The following WARS1 variants were observed in gnomAD, a reference collection of about 807,000 sequenced individuals.
The protein encoded by WARS1 is tryptophanyl-tRNA synthetase 1.
WARS1 carries 17 observed loss-of-function variants against 47.8 expected under a neutral mutation model. The observed-to-expected ratio is 0.36, with a 90% CI of 0.24 to 0.53. The LOEUF is 0.53. Ranked by LOEUF, WARS1 falls within the 20% of genes least tolerant of loss-of-function variation. The pLI is 0.91. For synonymous variants in WARS1, 208 were observed against 228.1 expected (o/e 0.91, Z 0.79); for missense variants, 434 against 608.0 (o/e 0.71, Z 3.01).
chr14:100,346,025 G>A (rs1000929448), intron 7 of WARS1, among the ~76,000 whole-genome samples: 3 of 152,252 alleles, frequency 2.0e-5, no homozygotes, highest in Non-Finnish European at 4.4e-5. Flanking sequence ...GCTGGCAGCT[G>A]ACTGAAGGCC....
intron 8 of WARS1, among the ~76,000 whole-genome samples, chr14:100,343,017 C>T (rs1197318128): frequency 1.3e-5 from 2 of 152,288 alleles, no homozygotes; most frequent in East Asian, 3.9e-4. Flanking sequence ...GCTGGGATTA[C>T]AGGCGCCTGC....
At chr14:100,361,597 G>T in intron 3 of WARS1, 111 bp downstream of exon 3, 1 of 1,122,092 alleles carries the variant, frequency 8.9e-7, no homozygotes, top group Non-Finnish European at 1.3e-6. Context: ...TGGCATTGAA[G>T]CTTCACTGAA....
Position 100,373,824 on chromosome 14 carries a change from TTGTGTGTG to T in WARS1, c.-74+1451_-74+1458del, listed in dbSNP as rs59475595. ...GGGAATCATCCACACTATTGAAATC[TTGTGTGTG>T]TGTGTGTGTGTGTGTGTGTGTGTGT... On this transcript the variant is annotated intron_variant, in intron 1 of 10. Coordinates refer to ENST00000392882, the MANE Select transcript of WARS1 (RefSeq NM_004184.4). The surrounding 1 kb of genome is among the most constrained non-coding windows in gnomAD (Gnocchi z 4.4). 0.2 allele frequency among the ~76,000 whole-genome samples: 29,810 copies of T among 147,814 alleles called. 3,012 individuals carry two copies. Among genetic ancestry groups the T allele is most frequent in the Non-Finnish European group, 0.23 (15,606 of 66,712 alleles).
chr14:100,339,590 C>CA (rs386382322), intron 9 of WARS1, among the ~76,000 whole-genome samples: 8,157 of 78,476 alleles, frequency 0.1, 916 homozygotes, highest in Non-Finnish European at 0.13. Context: ...GACTCCGTCT[C>CA]AAAAAAAAAA....
At chr14:100,346,958 G>A in intron 6 of WARS1, 112 bp from the exon 7 acceptor site, 1 of 919,420 alleles carries the variant, frequency 1.1e-6, no homozygotes, top group South Asian at 1.4e-5. Flanking sequence ...CAGACTCGGG[G>A]CCACATTGTG....
At chr14:100,335,696 AT>A (rs1209313308) in intron 10 of WARS1, among the ~76,000 whole-genome samples, 16 of 152,042 alleles carry the variant, frequency 1.1e-4, no homozygotes, top group African/African-American at 3.6e-4. Context: ...AATCTTGCTA[AT>A]TTTTTCTTTT....
intron 9 of WARS1, chr14:100,340,540 T>C (rs1422985564): frequency 6.6e-6 from 1 of 152,162 alleles, no homozygotes. Flanking sequence ...TGGGGTGCAG[T>C]GGCTATTCAC....
At chr14:100,344,084 C>CCTCTCTTT (rs1894361180) in intron 7 of WARS1, among the ~76,000 whole-genome samples, 1 of 139,914 alleles carries the variant, frequency 7.1e-6, no homozygotes, top group African/African-American at 2.6e-5. Flanking sequence ...CTTCCCTCTC[C>CCTCTCTTT]CCACGGTCTC....
rs187601604 is a variant in WARS1 at position 100,355,473 on chromosome 14, G to A, written c.423-907C>T. On this transcript the variant is annotated intron_variant, in intron 4 of 10. Transcript: ENST00000392882. ...CCTGACCTCGTGATTTGCCTGCCTCGGCCTCCCAAAGTGCTGGGATTACAG... is the reference window on the plus strand; with the variant it reads ...CCTGACCTCGTGATTTGCCTGCCTCAGCCTCCCAAAGTGCTGGGATTACAG... Among the ~76,000 whole-genome samples the A allele has an allele frequency of 6.0e-3, 905 of 152,024 alleles. 8 individuals carry two copies. Among genetic ancestry groups the A allele is most frequent in the Middle Eastern group, 0.014 (4 of 294 alleles).
Position 100,339,463 on chromosome 14 carries a change from G to A in WARS1, c.1114-2261C>T, listed in dbSNP as rs186354005. ...AAATTAGCTGGGTGTGGTGGTGGGC[G>A]CCTGTAGGCCCAGCTACTCGGGAGC... On this transcript the variant is annotated intron_variant, in intron 9 of 10. Coordinates refer to ENST00000392882, the MANE Select transcript of WARS1 (RefSeq NM_004184.4). Among the ~76,000 whole-genome samples the A allele has an allele frequency of 4.6e-5, 7 of 151,936 alleles. No homozygotes were observed. The East Asian group carries it at 1.2e-3, about 25-fold the overall frequency.
At chr14:100,360,431 C>A in intron 4 of WARS1, 123 bp downstream of exon 4, 1 of 664,940 alleles carries the variant, frequency 1.5e-6, no homozygotes, top group Admixed American at 2.6e-5. Context: ...GGATCTCAGT[C>A]TTACCACAGC....
At chr14:100,365,930 G>A (rs1895959408) in intron 2 of WARS1, 1 of 441,156 alleles carries the variant, frequency 2.3e-6, no homozygotes, top group African/African-American at 2.0e-5. Context: ...AAAGGTTCGG[G>A]CCTTAGTGAC....
rs758536180 is a variant in WARS1, at chr14:100,354,537, T to C, written c.452A>G (p.Glu151Gly). The C allele has an allele frequency of 6.2e-6, 10 of 1,613,714 alleles. No homozygotes were observed. The highest frequency in any genetic ancestry group is 7.6e-6 in the Non-Finnish European group (9 of 1,179,850). ...GTACAGATAAAATGGCTTCTTATTT[T>C]CATAGGCATCAAGAACCTGATTCAT... ...RDMNQVLDAY[E>G]NKKPFYLYTG... The change falls in exon 5 of 11, where the codon GAA (glutamate) becomes GGA (glycine). Residue 151 changes from glutamate to glycine, a missense_variant. This residue lies in a region of WARS1 where 347 missense variants were observed against 523.8 expected (regional missense o/e 0.66). Transcript: ENST00000392882.
intron 4 of WARS1, 151 bp from the exon 5 acceptor site, chr14:100,354,717 TA>T (rs1438331822): frequency 1.1e-6 from 1 of 930,900 alleles, no homozygotes; most frequent in Admixed American, 3.0e-5. Context: ...GATATAAATA[TA>T]GACAGGAAAC....
intron 6 of WARS1, among the ~76,000 whole-genome samples, chr14:100,350,889 GA>G (rs1160451952): frequency 6.6e-6 from 1 of 152,194 alleles, no homozygotes; most frequent in Non-Finnish European, 1.5e-5. Context: ...GGTGATGCTT[GA>G]TCATGCCTTT....
At chr14:100,360,727 A>C in intron 3 of WARS1, 65 bp from the exon 4 acceptor site, 14 of 1,246,760 alleles carry the variant, frequency 1.1e-5, no homozygotes, top group Non-Finnish European at 1.6e-5. Context: ...TATTACTGAA[A>C]TGAAGATGAA....
At chr14:100,368,514 T>C (rs1360270884) in intron 2 of WARS1, 4 of 455,572 alleles carry the variant, frequency 8.8e-6, no homozygotes, top group African/African-American at 2.0e-5. Context: ...TTTACAGATA[T>C]GGGGAGTACA....
chr14:100,369,736 G>C (rs1333088129), intron 1 of WARS1, among the ~76,000 whole-genome samples: 2 of 150,962 alleles, frequency 1.3e-5, no homozygotes, highest in African/African-American at 4.9e-5. Flanking sequence ...GGAGTGCAAT[G>C]GTGTGATCTT....
At chr14:100,356,814 C>T (rs1895351759) in intron 4 of WARS1, among the ~76,000 whole-genome samples, 1 of 152,096 alleles carries the variant, frequency 6.6e-6, no homozygotes, top group Admixed American at 6.6e-5. Context: ...TACCCTGATA[C>T]CAAACCAAAG....
Sources: allele counts gnomAD v4.1 joint callset (sites outside exome capture counted in the v4.1 genomes callset), GRCh38; gene constraint gnomAD v4.1.1; regional missense constraint gnomAD v4.1.1; non-coding constraint Gnocchi (gnomAD v3.1); transcripts MANE v1.5; gene names NCBI Gene and HGNC (gene_info 2026-07-23, HGNC 2026-07-21).